UBE3D: variants seen among roughly 807,000 people sequenced by gnomAD.
UBE3D encodes the protein E3 ubiquitin-protein ligase E3D.
A neutral mutation model predicts 49.6 loss-of-function variants in UBE3D; 48 were observed. That is an observed-to-expected ratio of 0.97 (90% confidence interval 0.77 to 1.23). The LOEUF is 1.23. Ranked by LOEUF, UBE3D falls within the 50% of genes most tolerant of loss-of-function variation. UBE3D has a pLI of 0.00. For missense variants in UBE3D, 452 were observed against 468.4 expected, an observed-to-expected ratio of 0.96 and a Z score of 0.32; for synonymous variants, 189 against 174.2, an observed-to-expected ratio of 1.08 and a Z score of -0.67.
rs1048703005 is a variant in UBE3D at position 83,019,930 on chromosome 6, G to C, written c.847-794C>G. 2.6e-5 allele frequency among the ~76,000 whole-genome samples: 4 copies of C among 152,188 alleles called. No homozygotes were observed. The East Asian group carries it at 7.7e-4, about 29-fold the overall frequency. On this transcript the variant is annotated intron_variant, in intron 7 of 9. Transcript: ENST00000369747. ...TGGCGGACAGGTAACTTCTGGGCAA[G>C]GCAACACCTGTCATCTAAAGAGGAA...
At chr6:83,011,495 C>G (rs1418561513) in intron 8 of UBE3D, among the ~76,000 whole-genome samples, 1 of 152,096 alleles carries the variant, frequency 6.6e-6, no homozygotes, top group East Asian at 1.9e-4. Context: ...TCCCATTGAC[C>G]TTAATCACAG....
chr6:82,956,925 C>T lies in UBE3D; in HGVS notation c.1149+387G>A, dbSNP rs563509925. ...CGCAGATTGCCTGAGCTCAGGAGTTCGAGACCAGCCTGGGCAATACAGTGA... is the reference window on the plus strand; with the variant it reads ...CGCAGATTGCCTGAGCTCAGGAGTTTGAGACCAGCCTGGGCAATACAGTGA... On this transcript the variant is annotated intron_variant, in intron 9 of 9. Transcript: ENST00000369747. Among the ~76,000 whole-genome samples the T allele has an allele frequency of 1.1e-3, 164 of 152,220 alleles. 1 individual carries two copies. Among genetic ancestry groups the T allele is most frequent in the Middle Eastern group, 3.4e-3 (1 of 294 alleles).
At chr6:82,964,040 A>G (rs912765504) in intron 8 of UBE3D, among the ~76,000 whole-genome samples, 1 of 152,176 alleles carries the variant, frequency 6.6e-6, no homozygotes, top group African/African-American at 2.4e-5. Context: ...GAGAGAGGAA[A>G]AGCTTTCCTA....
chr6:83,006,937 A>G (rs1780022436), intron 8 of UBE3D, among the ~76,000 whole-genome samples: 1 of 152,192 alleles, frequency 6.6e-6, no homozygotes, highest in African/African-American at 2.4e-5. Flanking sequence ...TTTTAAAATT[A>G]AGTAGAGTTT....
chr6:83,023,565 G>A (rs752630991), intron 6 of UBE3D, among the ~76,000 whole-genome samples: 2 of 152,162 alleles, frequency 1.3e-5, no homozygotes, highest in African/African-American at 2.4e-5. Flanking sequence ...AAAAAGGAAC[G>A]AAATAATGGC....
At chr6:83,041,133 G>A (rs1782643734) in intron 4 of UBE3D, among the ~76,000 whole-genome samples, 1 of 152,082 alleles carries the variant, frequency 6.6e-6, no homozygotes, top group South Asian at 2.1e-4. Flanking sequence ...AACTAATATT[G>A]GTATTGTAAT....
chr6:82,939,390 G>T (rs1024875578), intron 9 of UBE3D, among the ~76,000 whole-genome samples: 9 of 152,270 alleles, frequency 5.9e-5, no homozygotes, highest in African/African-American at 2.2e-4. Flanking sequence ...TCTATCGTGG[G>T]TACATACAGT....
chr6:83,048,881 A>G (rs990979685), intron 3 of UBE3D, among the ~76,000 whole-genome samples: 3 of 152,192 alleles, frequency 2.0e-5, no homozygotes, highest in Non-Finnish European at 4.4e-5. Context: ...AAAATAAAAT[A>G]CATACCATTT....
chr6:82,886,108 A>G, the UBE3D span, among the ~76,000 whole-genome samples: 3 of 152,152 alleles, frequency 2.0e-5, no homozygotes, highest in African/African-American at 7.2e-5. Context: ...TAATGACAGT[A>G]CTCATTTCCG....
intron 9 of UBE3D, among the ~76,000 whole-genome samples, chr6:82,955,680 T>C (rs763798199): frequency 9.2e-5 from 14 of 152,194 alleles, no homozygotes; most frequent in Admixed American, 5.9e-4. Context: ...GGGGAGGCTG[T>C]GGACATTCCA....
At chr6:82,944,281 T>G (rs62430491) in intron 9 of UBE3D, among the ~76,000 whole-genome samples, 24,407 of 152,206 alleles carry the variant, frequency 0.16, 2,003 homozygotes, top group South Asian at 0.17. Flanking sequence ...GGCCACAGTA[T>G]GACAGAGAAC....
At chr6:83,040,170 G>A (rs1276784248) in intron 4 of UBE3D, among the ~76,000 whole-genome samples, 1 of 152,016 alleles carries the variant, frequency 6.6e-6, no homozygotes, top group African/African-American at 2.4e-5. Flanking sequence ...GGATCATGAG[G>A]TCAGGAGTTT....
intron 8 of UBE3D, among the ~76,000 whole-genome samples, chr6:82,988,068 T>C (rs1398199349): frequency 6.6e-6 from 1 of 152,224 alleles, no homozygotes; most frequent in Non-Finnish European, 1.5e-5. Context: ...ACAGTACTCA[T>C]ATTTAGTAAA....
chr6:82,957,516 G>A (rs1435512467), intron 8 of UBE3D, 66 bp from the exon 9 acceptor site: 3 of 1,505,024 alleles, frequency 2.0e-6, no homozygotes, highest in East Asian at 4.7e-5. Context: ...AATCTGATAT[G>A]AAAGAAGAAA....
chr6:83,016,314 A>C (rs1208242008), intron 8 of UBE3D, among the ~76,000 whole-genome samples: 1 of 152,190 alleles, frequency 6.6e-6, no homozygotes, highest in Admixed American at 6.5e-5. Flanking sequence ...TTATGTATAG[A>C]GTTACTAAAC....
At chr6:82,997,407 A>G (rs1218596716) in intron 8 of UBE3D, among the ~76,000 whole-genome samples, 2 of 152,180 alleles carry the variant, frequency 1.3e-5, no homozygotes, top group East Asian at 1.9e-4. Context: ...ATGGTATATG[A>G]CATTATTTAT....
At position 83,061,405 on chromosome 6, in the gene UBE3D, G is replaced by T. The variant is rs373549699; in HGVS notation, c.78-3383C>A. 3.3e-5 allele frequency among the ~76,000 whole-genome samples: 5 copies of T among 152,342 alleles called. No individual in the cohort carries two copies. In the East Asian group the frequency reaches 7.7e-4, roughly 24 times the overall value. On this transcript the variant is annotated intron_variant, in intron 1 of 9. Transcript: ENST00000369747. ...GATGGTAGCAACACATTTCCCAATTGTGAGTGTTGGATGATGGTTCTTTAG... is the reference window on the plus strand; with the variant it reads ...GATGGTAGCAACACATTTCCCAATTTTGAGTGTTGGATGATGGTTCTTTAG...
intron 9 of UBE3D, among the ~76,000 whole-genome samples, chr6:82,894,191 C>G (rs1009541249): frequency 6.6e-6 from 1 of 152,122 alleles, no homozygotes; most frequent in African/African-American, 2.4e-5. Context: ...GCCTCGCCCC[C>G]ACCCCCCCAA....
chr6:83,014,026 G>C lies in UBE3D; in HGVS notation c.1010+4947C>G, dbSNP rs188915880. 2.9e-4 allele frequency among the ~76,000 whole-genome samples: 44 copies of C among 152,346 alleles called. No homozygotes were observed. In the East Asian group the frequency reaches 6.9e-3, roughly 24 times the overall value. Reference sequence around the variant, plus strand: ...CAAATTGCTTCTGGTGGGACTTATGGACAGGAGTGGAGAAAAAGGCATTTG... The same window carrying C: ...CAAATTGCTTCTGGTGGGACTTATGCACAGGAGTGGAGAAAAAGGCATTTG... On this transcript the variant is annotated intron_variant, in intron 8 of 9. Coordinates refer to ENST00000369747, the MANE Select transcript of UBE3D (RefSeq NM_198920.3).
Sources: allele counts gnomAD v4.1 joint callset (sites outside exome capture counted in the v4.1 genomes callset), GRCh38; gene constraint gnomAD v4.1.1; transcripts MANE v1.5; gene names NCBI Gene and HGNC (gene_info 2026-07-23, HGNC 2026-07-21).